The following ATP8A2 variants were observed in gnomAD, a reference collection of about 807,000 sequenced individuals.
ATP8A2 encodes phospholipid-transporting ATPase IB.
Under a neutral mutation model 165.6 loss-of-function variants are expected in ATP8A2, and 100 were observed. The ratio of observed to expected loss-of-function variants is 0.60; its 90% CI spans 0.51 to 0.71. ATP8A2 has a LOEUF of 0.71. Among genes scored for constraint, ATP8A2 ranks in the 30% least tolerant of loss-of-function variants. The pLI, the probability that ATP8A2 is intolerant of heterozygous loss-of-function variation, is 0.00. For missense variants in ATP8A2, 1,227 were observed against 1,479.5 expected, an observed-to-expected ratio of 0.83 and a Z score of 2.80; for synonymous variants, 543 against 548.8, an observed-to-expected ratio of 0.99 and a Z score of 0.15.
intron 8 of ATP8A2, among the ~76,000 whole-genome samples, chr13:25,541,191 T>C (rs1449670951): frequency 1.3e-5 from 2 of 152,144 alleles, no homozygotes; most frequent in Non-Finnish European, 2.9e-5. Context: ...CTTTAACATA[T>C]AAAAATTTTA....
intron 25 of ATP8A2, among the ~76,000 whole-genome samples, chr13:25,730,980 A>G (rs940874006): frequency 6.6e-6 from 1 of 151,942 alleles, no homozygotes; most frequent in Non-Finnish European, 1.5e-5. Context: ...AGACTGAGAC[A>G]GGAGGATCAC....
At chr13:25,481,189 G>GGGAGAGGGAGAT (rs1270772696) in intron 2 of ATP8A2, among the ~76,000 whole-genome samples, 1 of 145,892 alleles carries the variant, frequency 6.9e-6, no homozygotes, top group Non-Finnish European at 1.5e-5. Context: ...GAGAGGGAGA[G>GGGAGAGGGAGAT]GGACAGGGAG....
intron 10 of ATP8A2, among the ~76,000 whole-genome samples, chr13:25,544,440 T>C (rs1004488248): frequency 6.6e-6 from 1 of 152,086 alleles, no homozygotes; most frequent in Non-Finnish European, 1.5e-5. Context: ...AGGTAAGTAT[T>C]AGAGGAGATG....
chr13:25,865,651 C>A (rs1952487844), intron 33 of ATP8A2, among the ~76,000 whole-genome samples: 1 of 152,180 alleles, frequency 6.6e-6, no homozygotes, highest in Admixed American at 6.5e-5. Flanking sequence ...ATCAAAGAGT[C>A]TTTATCTTCC....
chr13:25,976,301 C>T (rs945902181), intron 35 of ATP8A2, among the ~76,000 whole-genome samples: 1 of 152,172 alleles, frequency 6.6e-6, no homozygotes, highest in South Asian at 2.1e-4. Flanking sequence ...TAACACTGAT[C>T]CCCACATGCA....
chr13:25,524,954 C>T (rs1487455183), intron 2 of ATP8A2, among the ~76,000 whole-genome samples: 1 of 150,046 alleles, frequency 6.7e-6, no homozygotes, highest in Admixed American at 6.7e-5. Context: ...TTCCGTCTTT[C>T]AGTCCTTCTT....
intron 24 of ATP8A2, among the ~76,000 whole-genome samples, chr13:25,618,744 G>A (rs1234180457): frequency 6.6e-6 from 1 of 150,474 alleles, no homozygotes; most frequent in Non-Finnish European, 1.5e-5. Context: ...TCATGCTACT[G>A]GGAGCAAGAT....
intron 34 of ATP8A2, among the ~76,000 whole-genome samples, chr13:25,963,320 G>A (rs1955700713): frequency 6.6e-6 from 1 of 150,994 alleles, no homozygotes; most frequent in African/African-American, 2.4e-5. Context: ...CTTGAACCTG[G>A]GAGGCAGAGG....
At chr13:25,844,387 T>G (rs897587060) in intron 30 of ATP8A2, among the ~76,000 whole-genome samples, 5 of 152,002 alleles carry the variant, frequency 3.3e-5, no homozygotes, top group Non-Finnish European at 5.9e-5. Flanking sequence ...CATGCCACCA[T>G]GCCCGGCTAA....
chr13:25,707,365 G>T (rs921000443), intron 25 of ATP8A2, among the ~76,000 whole-genome samples: 7 of 152,146 alleles, frequency 4.6e-5, no homozygotes, highest in Non-Finnish European at 8.8e-5. Flanking sequence ...AACTGTTAGG[G>T]ATTTCTGACG....
intron 16 of ATP8A2, 77 bp from the exon 17 acceptor site, chr13:25,570,690 T>C: frequency 8.9e-7 from 1 of 1,129,420 alleles, no homozygotes; most frequent in Non-Finnish European, 1.3e-6. Flanking sequence ...TGGATGTTAG[T>C]TGGGGATCTG....
intron 24 of ATP8A2, among the ~76,000 whole-genome samples, chr13:25,606,457 G>A (rs2040519716): frequency 6.6e-6 from 1 of 152,172 alleles, no homozygotes; most frequent in South Asian, 2.1e-4. Flanking sequence ...ATTTCTTAGA[G>A]ATTAGCTCTC....
At chr13:25,586,157 T>A (rs1194175551) in intron 23 of ATP8A2, among the ~76,000 whole-genome samples, 1 of 152,180 alleles carries the variant, frequency 6.6e-6, no homozygotes, top group Non-Finnish European at 1.5e-5. Flanking sequence ...ATGAAGTAAC[T>A]TAGTCTAGGT....
At chr13:25,803,232 A>G (rs892646515) in intron 27 of ATP8A2, among the ~76,000 whole-genome samples, 2 of 152,200 alleles carry the variant, frequency 1.3e-5, no homozygotes, top group African/African-American at 2.4e-5. Context: ...GTTAAATGCA[A>G]TATGTATGTG....
At chr13:25,572,621 G>A (rs1037806193) in intron 18 of ATP8A2, among the ~76,000 whole-genome samples, 9 of 152,172 alleles carry the variant, frequency 5.9e-5, no homozygotes, top group Non-Finnish European at 1.0e-4. Flanking sequence ...GGAAAATGAT[G>A]GTTATGACTG....
At chr13:25,488,878 C>T (rs564357279) in intron 2 of ATP8A2, among the ~76,000 whole-genome samples, 1 of 111,640 alleles carries the variant, frequency 9.0e-6, no homozygotes, top group South Asian at 3.8e-4. Context: ...CCCCACCCCC[C>T]ACCCCCCATT....
At chr13:25,961,728 A>G (rs765115423) in intron 34 of ATP8A2, 65 bp downstream of exon 34, 18 of 1,193,380 alleles carry the variant, frequency 1.5e-5, no homozygotes, top group Non-Finnish European at 1.9e-5. Context: ...TGTCTTTCTC[A>G]TGAGTCCTGC....
At chr13:25,845,001 A>C (rs1167700205) in intron 30 of ATP8A2, among the ~76,000 whole-genome samples, 1 of 152,180 alleles carries the variant, frequency 6.6e-6, no homozygotes, top group African/African-American at 2.4e-5. Flanking sequence ...GCTTATTTTC[A>C]TGTGGTTTTG....
chr13:25,883,790 C>T (rs756401934), intron 33 of ATP8A2, among the ~76,000 whole-genome samples: 1 of 152,220 alleles, frequency 6.6e-6, no homozygotes, highest in Non-Finnish European at 1.5e-5. Context: ...GTCTGCTGCA[C>T]TGCCTGAAGC....
Sources: gnomAD v4.1 joint callset for allele counts (sites outside exome capture counted in the v4.1 genomes callset) on GRCh38, gnomAD v4.1.1 for gene constraint, MANE v1.5 for transcripts, NCBI Gene and HGNC (gene_info 2026-07-23, HGNC 2026-07-21) for gene names.